ZPBP: variants seen among roughly 807,000 people sequenced by gnomAD.
ZPBP encodes the protein zona pellucida binding protein, also known as zona pellucida-binding protein 1.
A neutral mutation model predicts 44.8 loss-of-function variants in ZPBP; 26 were observed. The ratio of observed to expected loss-of-function variants is 0.58; its 90% confidence interval spans 0.43 to 0.81. The LOEUF is 0.81. ZPBP is among the 30% of genes least tolerant of loss of function. ZPBP has a pLI of 0.00. For missense variants in ZPBP, 409 were observed against 434.0 expected (o/e 0.94, Z 0.51); for synonymous variants, 174 against 153.2 (o/e 1.14, Z -1.00).
chr7:50,069,532 C>CACCTTAAA (rs975967669), intron 3 of ZPBP, among the ~76,000 whole-genome samples: 1 of 152,248 alleles, frequency 6.6e-6, no homozygotes, highest in Non-Finnish European at 1.5e-5. Context: ...CCTTAAAACA[C>CACCTTAAA]ACGACCAATT....
At chr7:49,894,993 T>C (rs1382850017) in intron 2 of ZPBP, among the ~76,000 whole-genome samples, 1 of 152,220 alleles carries the variant, frequency 6.6e-6, no homozygotes, top group East Asian at 1.9e-4. Flanking sequence ...TTTTGTTAAA[T>C]GTGCTAGGCC....
At chr7:49,966,313 C>T (rs548583574) in intron 7 of ZPBP, among the ~76,000 whole-genome samples, 53 of 152,238 alleles carry the variant, frequency 3.5e-4, no homozygotes, top group African/African-American at 1.3e-3. Context: ...CATTCTCTAT[C>T]TCTGTCTCTC....
chr7:50,035,949 T>C (rs1468998160), intron 4 of ZPBP, among the ~76,000 whole-genome samples: 1 of 152,044 alleles, frequency 6.6e-6, no homozygotes, highest in Non-Finnish European at 1.5e-5. Context: ...GAAAATATCG[T>C]CATTGAAATA....
intron 6 of ZPBP, among the ~76,000 whole-genome samples, chr7:50,009,683 T>C (rs1798481436): frequency 2.0e-5 from 3 of 151,906 alleles, no homozygotes; most frequent in Non-Finnish European, 4.4e-5. Flanking sequence ...GAGGAAACAA[T>C]GAAACTATCT....
At chr7:50,034,090 T>C (rs1475100552) in intron 4 of ZPBP, among the ~76,000 whole-genome samples, 2 of 152,068 alleles carry the variant, frequency 1.3e-5, no homozygotes, top group African/African-American at 4.8e-5. Flanking sequence ...TAGAAATAGG[T>C]GACCAGAGAG....
At chr7:50,030,981 ATGTATGG>A in intron 5 of ZPBP, 104 bp downstream of exon 5, 1 of 874,730 alleles carries the variant, frequency 1.1e-6, no homozygotes, top group Non-Finnish European at 1.8e-6. Flanking sequence ...ATATATTTGG[ATGTATGG>A]TGTTTATGTT....
intron 7 of ZPBP, among the ~76,000 whole-genome samples, chr7:49,958,444 A>G (rs1451508976): frequency 6.6e-6 from 1 of 152,188 alleles, no homozygotes; most frequent in African/African-American, 2.4e-5. Flanking sequence ...GCCTAATGGG[A>G]CTTGTCTAGG....
chr7:50,081,692 G>A, intron 3 of ZPBP, 82 bp downstream of exon 3: 1 of 1,492,108 alleles, frequency 6.7e-7, no homozygotes. Flanking sequence ...ACATAAATAT[G>A]TATGAGATAC....
At chr7:49,981,364 TA>T (rs1796890378) in intron 7 of ZPBP, among the ~76,000 whole-genome samples, 2 of 19,394 alleles carry the variant, frequency 1.0e-4, no homozygotes, top group African/African-American at 4.7e-4. Flanking sequence ...ATATTATATA[TA>T]ATTATATATA....
At chr7:49,956,293 T>G (rs1483077) in intron 7 of ZPBP, among the ~76,000 whole-genome samples, 118,046 of 151,864 alleles carry the variant, frequency 0.78, 46,056 homozygotes, top group East Asian at 0.89. Context: ...AAATTAATGG[T>G]ATAAATCTAA....
intron 4 of ZPBP, among the ~76,000 whole-genome samples, chr7:50,043,245 G>A (rs1470555587): frequency 6.6e-6 from 1 of 152,172 alleles, no homozygotes. Context: ...CTGGCTTGCT[G>A]TCAATAAATA....
chr7:49,932,555 G>A (rs564585625), downstream of ZPBP, among the ~76,000 whole-genome samples: 1 of 152,330 alleles, frequency 6.6e-6, no homozygotes, highest in East Asian at 1.9e-4. Context: ...CAGTATCTAG[G>A]AAGTAACTAA....
chr7:49,992,022 T>C (rs983449676), intron 6 of ZPBP, among the ~76,000 whole-genome samples: 1 of 152,032 alleles, frequency 6.6e-6, no homozygotes, highest in Non-Finnish European at 1.5e-5. Flanking sequence ...AACCTAACGA[T>C]AGCTATGTCC....
chr7:49,848,301 G>A (rs1235107992), downstream of ZPBP, among the ~76,000 whole-genome samples: 1 of 152,192 alleles, frequency 6.6e-6, no homozygotes, highest in East Asian at 1.9e-4. Flanking sequence ...GCCTCCCACG[G>A]CAGGGTCTTT....
intron 6 of ZPBP, among the ~76,000 whole-genome samples, chr7:49,986,088 A>T (rs1797267042): frequency 1.3e-5 from 2 of 152,166 alleles, no homozygotes; most frequent in South Asian, 2.1e-4. Flanking sequence ...AGCTGAACTA[A>T]GGAGCAAAAT....
chr7:49,866,923 T>G (rs796779954), intron 2 of ZPBP, among the ~76,000 whole-genome samples: 7 of 152,342 alleles, frequency 4.6e-5, no homozygotes, highest in African/African-American at 1.7e-4. Flanking sequence ...CAAAGCCACC[T>G]TCTTCTGAGG....
intron 2 of ZPBP, among the ~76,000 whole-genome samples, chr7:49,882,534 C>G (rs556052759): frequency 6.6e-6 from 1 of 151,682 alleles, no homozygotes; most frequent in Non-Finnish European, 1.5e-5. Context: ...CAGAGGGACA[C>G]ACAGAGAGAG....
At chr7:49,884,359 C>A (rs1466698904) in intron 2 of ZPBP, among the ~76,000 whole-genome samples, 1 of 152,182 alleles carries the variant, frequency 6.6e-6, no homozygotes, top group East Asian at 1.9e-4. Flanking sequence ...AAGGCTTTAA[C>A]CGGGTGCTAC....
chr7:49,898,403 C>G (rs1792511497), intron 2 of ZPBP, among the ~76,000 whole-genome samples: 1 of 151,308 alleles, frequency 6.6e-6, no homozygotes, highest in Non-Finnish European at 1.5e-5. Context: ...ATACAATTTT[C>G]TTTCTCGCTA....
Sources: allele counts gnomAD v4.1 joint callset (sites outside exome capture counted in the v4.1 genomes callset), GRCh38; gene constraint gnomAD v4.1.1; transcripts MANE v1.5; gene names NCBI Gene and HGNC (gene_info 2026-07-23, HGNC 2026-07-21).